The following CNTNAP5 variants were observed in gnomAD, a reference collection of about 807,000 sequenced individuals.
CNTNAP5 encodes the protein contactin-associated protein-like 5.
Under a neutral mutation model 150.2 loss-of-function variants are expected in CNTNAP5, and 72 were observed. The observed-to-expected ratio is 0.48, with a 90% CI of 0.40 to 0.58. CNTNAP5 has a LOEUF of 0.58. CNTNAP5 is among the 20% of genes least tolerant of loss of function. The pLI, the probability that CNTNAP5 is intolerant of heterozygous loss-of-function variation, is 0.00. For synonymous variants in CNTNAP5, 672 were observed against 619.8 expected (o/e 1.08, Z -1.25); for missense variants, 1,636 against 1,626.2 (o/e 1.01, Z -0.10).
At chr2:124,895,172 A>G (rs1460864590) in intron 21 of CNTNAP5, among the ~76,000 whole-genome samples, 1 of 151,412 alleles carries the variant, frequency 6.6e-6, no homozygotes, top group Non-Finnish European at 1.5e-5. Flanking sequence ...ATATCTACCT[A>G]TCATCTATCT....
chr2:124,195,244 G>A (rs570057451), intron 1 of CNTNAP5, among the ~76,000 whole-genome samples: 2 of 152,306 alleles, frequency 1.3e-5, no homozygotes, highest in South Asian at 2.1e-4. Flanking sequence ...GAGAGCAGAC[G>A]TGACCCCACA....
chr2:124,781,776 C>T (rs72980444), intron 17 of CNTNAP5, among the ~76,000 whole-genome samples: 7,557 of 152,270 alleles, frequency 0.05, 644 homozygotes, highest in African/African-American at 0.17. Context: ...CCCTTTTGCT[C>T]CATATTCTCT....
rs1039354754 is a variant in CNTNAP5, at chr2:124,295,867, T to C, written c.381+53474T>C. ...GCAGTTACCATCATTCTGACTTTGA[T>C]TGATTTTCACTCAACCTTTTTCCAA... On this transcript the variant is annotated intron_variant, in intron 3 of 23. Coordinates refer to ENST00000682447, the MANE Select transcript of CNTNAP5 (RefSeq NM_001367498.1). Among the ~76,000 whole-genome samples, 10 of 152,194 alleles carry C rather than the reference T, an allele frequency of 6.6e-5. No homozygotes were observed. In the East Asian group the frequency reaches 7.7e-4, roughly 12 times the overall value.
chr2:124,389,754 C>T (rs1288415287), intron 3 of CNTNAP5, among the ~76,000 whole-genome samples: 1 of 152,028 alleles, frequency 6.6e-6, no homozygotes, highest in African/African-American at 2.4e-5. Flanking sequence ...TTGCTTTAGG[C>T]TAGAAGATTG....
At chr2:124,775,088 T>G (rs1323173138) in intron 17 of CNTNAP5, among the ~76,000 whole-genome samples, 1 of 152,180 alleles carries the variant, frequency 6.6e-6, no homozygotes, top group Non-Finnish European at 1.5e-5. Context: ...ATTGAATTTG[T>G]CTTAATGTAC....
At chr2:124,033,403 T>C (rs1328166233) in intron 1 of CNTNAP5, among the ~76,000 whole-genome samples, 1 of 152,200 alleles carries the variant, frequency 6.6e-6, no homozygotes, top group East Asian at 1.9e-4. Flanking sequence ...TAGGCCACTA[T>C]TTACTGAATA....
At chr2:124,042,783 C>CTATCTATCT (rs1491360872) in intron 1 of CNTNAP5, among the ~76,000 whole-genome samples, 1 of 148,112 alleles carries the variant, frequency 6.8e-6, no homozygotes, top group Non-Finnish European at 1.5e-5. Flanking sequence ...AACTCTCTAT[C>CTATCTATCT]ATCTATCTAT....
chr2:124,406,532 A>G (rs1423760098), intron 3 of CNTNAP5, among the ~76,000 whole-genome samples: 1 of 152,218 alleles, frequency 6.6e-6, no homozygotes, highest in Non-Finnish European at 1.5e-5. Context: ...ATAGTCTTTT[A>G]TATTTAACCA....
At chr2:124,320,632 G>GA (rs1689076557) in intron 3 of CNTNAP5, among the ~76,000 whole-genome samples, 1 of 150,860 alleles carries the variant, frequency 6.6e-6, no homozygotes, top group East Asian at 1.9e-4. Flanking sequence ...CCAAAAGAAG[G>GA]AAAAAAGCAT....
intron 8 of CNTNAP5, among the ~76,000 whole-genome samples, chr2:124,507,289 T>A (rs566908034): frequency 6.6e-6 from 1 of 152,014 alleles, no homozygotes; most frequent in East Asian, 1.9e-4. Context: ...CAAAACCCCA[T>A]CTTTACAAAA....
chr2:124,806,637 C>T (rs2104651565), intron 19 of CNTNAP5, among the ~76,000 whole-genome samples: 1 of 152,278 alleles, frequency 6.6e-6, no homozygotes, highest in African/African-American at 2.4e-5. Flanking sequence ...TTGCTTACAG[C>T]TGTACTGTGA....
At chr2:124,573,969 C>CAT (rs1408651454) in intron 11 of CNTNAP5, among the ~76,000 whole-genome samples, 1 of 152,188 alleles carries the variant, frequency 6.6e-6, no homozygotes, top group Non-Finnish European at 1.5e-5. Flanking sequence ...GTATCTATTA[C>CAT]ATATATATAA....
At chr2:124,216,976 CA>C (rs1471211902) in intron 1 of CNTNAP5, among the ~76,000 whole-genome samples, 3 of 152,176 alleles carry the variant, frequency 2.0e-5, no homozygotes, top group Non-Finnish European at 4.4e-5. Flanking sequence ...CCAACTTCCA[CA>C]ATGGTTAAAC....
At chr2:124,469,427 CAAAAT>C (rs1558916266) in intron 6 of CNTNAP5, among the ~76,000 whole-genome samples, 1 of 151,870 alleles carries the variant, frequency 6.6e-6, no homozygotes, top group East Asian at 1.9e-4. Context: ...GTAGCCAACA[CAAAAT>C]ACAAATGTCA....
chr2:124,073,132 G>A (rs2104666527), intron 1 of CNTNAP5, among the ~76,000 whole-genome samples: 1 of 152,138 alleles, frequency 6.6e-6, no homozygotes, highest in African/African-American at 2.4e-5. Flanking sequence ...TCAATAAATG[G>A]TGCTGGGAAA....
chr2:124,387,035 A>C (rs1228759820), intron 3 of CNTNAP5, among the ~76,000 whole-genome samples: 1 of 152,254 alleles, frequency 6.6e-6, no homozygotes, highest in Non-Finnish European at 1.5e-5. Context: ...GGACCCTTAC[A>C]AAGAACCCCA....
intron 1 of CNTNAP5, among the ~76,000 whole-genome samples, chr2:124,049,172 G>A (rs567597037): frequency 6.6e-6 from 1 of 152,208 alleles, no homozygotes; most frequent in South Asian, 2.1e-4. Flanking sequence ...CCTTCATTTG[G>A]TACCACAACA....
intron 4 of CNTNAP5, among the ~76,000 whole-genome samples, chr2:124,418,200 C>A (rs184825170): frequency 2.6e-5 from 4 of 152,206 alleles, no homozygotes; most frequent in South Asian, 2.1e-4. Context: ...TTCTTTCCTG[C>A]GCGCTTTATA....
intron 11 of CNTNAP5, among the ~76,000 whole-genome samples, chr2:124,571,691 C>A (rs34420072): frequency 0.6 from 90,527 of 150,506 alleles, 28,195 homozygotes; most frequent in African/African-American, 0.67. Context: ...GGCCACCACA[C>A]AAGCTAATTT....
Sources: allele counts gnomAD v4.1 joint callset (sites outside exome capture counted in the v4.1 genomes callset), GRCh38; gene constraint gnomAD v4.1.1; transcripts MANE v1.5; gene names NCBI Gene and HGNC (gene_info 2026-07-23, HGNC 2026-07-21).